Variants in THADA observed in about 807,000 individuals in gnomAD.
The protein encoded by THADA is THADA armadillo repeat containing.
Under a neutral mutation model 219.8 loss-of-function variants are expected in THADA, and 213 were observed. The observed-to-expected ratio is 0.97, with a 90% CI of 0.87 to 1.09. The LOEUF is 1.09. Ranked by LOEUF, THADA falls within the 50% of genes least tolerant of loss-of-function variation. THADA has a pLI of 0.00. For synonymous variants in THADA, 1,018 were observed against 828.9 expected, an observed-to-expected ratio of 1.23 and a Z score of -3.92; for missense variants, 2,956 against 2,311.3, an observed-to-expected ratio of 1.28 and a Z score of -5.72.
chr2:43,386,212 A>T (rs1672663397), intron 29 of THADA, among the ~76,000 whole-genome samples: 1 of 152,238 alleles, frequency 6.6e-6, no homozygotes, highest in Non-Finnish European at 1.5e-5. Context: ...AACATTTGCA[A>T]GTACAAATTC....
rs543236853 is a variant in THADA, at chr2:43,291,883, C to T, written c.4938-115G>A. On this transcript the variant is annotated intron_variant, in intron 33 of 37. Transcript: ENST00000405975. ...CAGAGGTGAATACTGAAAATCTCTA[C>T]CTCCTGGTTACAAAAATGCCTCCGG... 9.7e-5 allele frequency: 96 copies of T among 988,128 alleles called. No homozygotes were observed. In the African/African-American group the frequency reaches 1.5e-3, roughly 15 times the overall value. 61.2% of individuals were successfully genotyped at this position (988,128 alleles called of 1,614,324 possible). A position where few individuals can be genotyped will look rare whatever the true frequency, so the allele number is the denominator to read the frequency against.
intron 30 of THADA, among the ~76,000 whole-genome samples, chr2:43,336,132 C>A (rs549958601): frequency 2.0e-5 from 3 of 151,838 alleles, no homozygotes; most frequent in African/African-American, 4.8e-5. Context: ...CAGTGGCACA[C>A]ACCTATAGTC....
At chr2:43,359,578 G>A (rs953491017) in intron 29 of THADA, among the ~76,000 whole-genome samples, 1 of 152,222 alleles carries the variant, frequency 6.6e-6, no homozygotes, top group African/African-American at 2.4e-5. Flanking sequence ...TTCTTGAGAG[G>A]CTGAGGCAGA....
intron 29 of THADA, among the ~76,000 whole-genome samples, chr2:43,354,503 C>T (rs966928955): frequency 6.0e-5 from 9 of 150,228 alleles, no homozygotes; most frequent in African/African-American, 2.2e-4. Flanking sequence ...ATTAACTATC[C>T]CCCTTTCCTT....
At chr2:43,393,736 G>C (rs1297164910) in intron 29 of THADA, among the ~76,000 whole-genome samples, 1 of 147,992 alleles carries the variant, frequency 6.8e-6, no homozygotes, top group Non-Finnish European at 1.5e-5. Context: ...GCTAAATTAA[G>C]AGCAACAGAT....
In THADA at chr2:43,590,667, T is replaced by A. The variant is rs187794070; in HGVS notation, c.302+157A>T. On this transcript the variant is annotated intron_variant, in intron 4 of 37. Transcript: ENST00000405975. Reference sequence around the variant, plus strand: ...CTCAAAAAAAAAAAAAAAAAAAAAATAGTTGTAACTAATCAATGAAACAGA... The same window carrying A: ...CTCAAAAAAAAAAAAAAAAAAAAAAAAGTTGTAACTAATCAATGAAACAGA... 5.0e-3 allele frequency among the ~76,000 whole-genome samples: 657 copies of A among 130,986 alleles called. 7 individuals are homozygous for A. Among genetic ancestry groups the A allele is most frequent in the African/African-American group, 0.015 (525 of 35,620 alleles). The allele number at this position is 130,986 out of a possible 152,430, so 85.9% of individuals were successfully genotyped here.
chr2:43,315,054 A>G (rs896430420), intron 31 of THADA, among the ~76,000 whole-genome samples: 1 of 152,204 alleles, frequency 6.6e-6, no homozygotes, highest in East Asian at 1.9e-4. Context: ...AAGACATGTC[A>G]GAGGTAGGAA....
intron 28 of THADA, among the ~76,000 whole-genome samples, chr2:43,418,276 C>T (rs954622005): frequency 5.9e-5 from 9 of 152,202 alleles, no homozygotes; most frequent in Admixed American, 5.2e-4. Context: ...CTACTTGCTA[C>T]CTCAAACTGA....
At position 43,293,001 on chromosome 2, in the gene THADA, A is replaced by C. The variant is rs1325897252; in HGVS notation, c.4651T>G (p.Ser1551Ala). 1 of 1,613,854 alleles carries C rather than the reference A, an allele frequency of 6.2e-7. No homozygotes were observed. Among genetic ancestry groups the C allele is most frequent in the Non-Finnish European group, 8.5e-7 (1 of 1,179,888 alleles). The change falls in exon 32 of 38, where the codon TCT becomes GCT. Residue 1551 changes from serine (S) to alanine (A), a missense_variant. Physicochemically the swap from Ser to Ala is moderately conservative, Grantham distance 99. Coordinates refer to ENST00000405975, the MANE Select transcript of THADA (RefSeq NM_022065.5). ...VPISFSQLLESAFPEVRSLTL... is the reference protein window; with the variant it reads ...VPISFSQLLEAAFPEVRSLTL... ...AGTGAGCGCACTTCAGGGAAGGCAG[A>C]TTCTAACAGCTGAGAGAAAGAGATG... is the stretch of plus-strand genomic sequence containing the variant.
At chr2:43,530,823 G>A (rs1032094792) in intron 21 of THADA, among the ~76,000 whole-genome samples, 3 of 152,170 alleles carry the variant, frequency 2.0e-5, no homozygotes, top group Non-Finnish European at 2.9e-5. Context: ...AGTATGACCA[G>A]TGGGTGGTCT....
At chr2:43,448,669 G>A (rs759378564) in intron 26 of THADA, among the ~76,000 whole-genome samples, 2 of 147,080 alleles carry the variant, frequency 1.4e-5, no homozygotes, top group Non-Finnish European at 3.0e-5. Flanking sequence ...CCACATATCA[G>A]GGGAATGTAG....
chr2:43,257,504 A>C (rs1048599400), intron 36 of THADA, among the ~76,000 whole-genome samples: 3 of 152,234 alleles, frequency 2.0e-5, no homozygotes, highest in African/African-American at 4.8e-5. Context: ...TCTCTCTTGA[A>C]TAGGTCAACC....
At chr2:43,308,185 T>C (rs1023970245) in intron 31 of THADA, among the ~76,000 whole-genome samples, 5 of 151,954 alleles carry the variant, frequency 3.3e-5, no homozygotes, top group African/African-American at 9.7e-5. Flanking sequence ...TGAGACCCTG[T>C]ATCATTCTTT....
chr2:43,517,479 A>C (rs1241299869), intron 22 of THADA, among the ~76,000 whole-genome samples: 1 of 152,160 alleles, frequency 6.6e-6, no homozygotes, highest in Non-Finnish European at 1.5e-5. Context: ...TTTACTTACA[A>C]AGCACAAGAA....
rs1477151044 is a variant in THADA at position 43,400,472 on chromosome 2, T to TATATATATATATATATATATATAA, written c.4059-2334_4059-2333insTTATATATATATATATATATATAT. ...ATAGACAAATTTATATATATATATATATATAAATATATACACTAAGAAAAA... is the reference window on the plus strand; with the variant it reads ...ATAGACAAATTTATATATATATATATATATATATATATATATATATATAAATATAAATATATACACTAAGAAAAA... On this transcript the variant is annotated intron_variant, in intron 28 of 37. Transcript: ENST00000405975. Among the ~76,000 whole-genome samples, 34 of 144,098 alleles carry TATATATATATATATATATATATAA rather than the reference T, an allele frequency of 2.4e-4. 1 individual carries two copies. The highest frequency in any genetic ancestry group is 7.9e-4 in the African/African-American group (31 of 39,232). 94.5% of individuals were successfully genotyped at this position (144,098 alleles called of 152,430 possible).
intron 36 of THADA, among the ~76,000 whole-genome samples, chr2:43,249,929 G>A (rs1397553442): frequency 1.3e-5 from 2 of 152,168 alleles, no homozygotes; most frequent in Non-Finnish European, 2.9e-5. Flanking sequence ...GGTGGGGATA[G>A]GTTGGAACAT....
intron 29 of THADA, among the ~76,000 whole-genome samples, chr2:43,392,640 G>A (rs1673528717): frequency 2.0e-5 from 3 of 151,962 alleles, no homozygotes; most frequent in African/African-American, 2.4e-5. Context: ...TTCCCATCAC[G>A]TAAAGATTCT....
chr2:43,328,466 G>A (rs561267215), intron 30 of THADA, among the ~76,000 whole-genome samples: 154 of 152,300 alleles, frequency 1.0e-3, no homozygotes, highest in Non-Finnish European at 2.0e-3. Flanking sequence ...CTGCCCCACA[G>A]CCCTCCTACT....
rs1698731531 is a variant in THADA, at chr2:43,566,715, A to C, written c.2294T>G (p.Val765Gly). The C allele has an allele frequency of 6.2e-7, 1 of 1,605,072 alleles. No homozygotes were observed. The change falls in exon 15 of 38, where the codon GTT becomes GGT. Residue 765 changes from valine (V) to glycine (G), a missense_variant. Val to Gly is a moderately radical substitution (Grantham distance 109). Coordinates refer to ENST00000405975, the MANE Select transcript of THADA (RefSeq NM_022065.5). The stretch of plus-strand genomic sequence containing the variant: ...ACACTTACCTTCTGGGACATGAAAA[A>C]CTTCAGCTATTGAACCTAAAATGGT... The part of the protein sequence containing the change: ...ALTILGSIAE[V>G]FHVPEGRIYT...
Sources: allele counts gnomAD v4.1 joint callset (sites outside exome capture counted in the v4.1 genomes callset), GRCh38; gene constraint gnomAD v4.1.1; transcripts MANE v1.5; gene names NCBI Gene and HGNC (gene_info 2026-07-23, HGNC 2026-07-21).